The following CDKAL1 variants were observed in gnomAD, a reference collection of about 807,000 sequenced individuals.
CDKAL1 encodes the protein threonylcarbamoyladenosine tRNA methylthiotransferase.
Under a neutral mutation model 68.2 loss-of-function variants are expected in CDKAL1, and 32 were observed. The observed-to-expected ratio is 0.47, with a 90% CI of 0.35 to 0.63. CDKAL1 has a LOEUF of 0.63. Ranked by LOEUF, CDKAL1 falls within the 30% of genes least tolerant of loss-of-function variation. The pLI is 0.00. For missense variants in CDKAL1, 606 were observed against 696.7 expected (o/e 0.87, Z 1.47); for synonymous variants, 234 against 244.3 (o/e 0.96, Z 0.39).
At chr6:20,544,379 C>T (rs1022016987) in intron 2 of CDKAL1, among the ~76,000 whole-genome samples, 21 of 151,302 alleles carry the variant, frequency 1.4e-4, no homozygotes, top group African/African-American at 1.9e-4. Context: ...GGGCGGATCG[C>T]GAGGTCAGGA....
chr6:20,992,904 A>C (rs1428490876), intron 10 of CDKAL1, among the ~76,000 whole-genome samples: 5 of 52,936 alleles, frequency 9.4e-5, no homozygotes, highest in Non-Finnish European at 1.6e-4. Flanking sequence ...TCTGTCTCAA[A>C]GAAAAAAAAA....
At chr6:21,003,696 A>G (rs1767577131) in intron 11 of CDKAL1, among the ~76,000 whole-genome samples, 1 of 152,190 alleles carries the variant, frequency 6.6e-6, no homozygotes, top group Admixed American at 6.5e-5. Flanking sequence ...TGGAAACACC[A>G]AAGTTTCAGG....
chr6:20,630,679 C>G (rs142081445), intron 4 of CDKAL1, among the ~76,000 whole-genome samples: 1 of 152,068 alleles, frequency 6.6e-6, no homozygotes, highest in African/African-American at 2.4e-5. Context: ...TGAAGACATC[C>G]CATATCACAG....
intron 11 of CDKAL1, among the ~76,000 whole-genome samples, chr6:21,062,221 T>A (rs1291565417): frequency 6.6e-6 from 1 of 152,240 alleles, no homozygotes; most frequent in Non-Finnish European, 1.5e-5. Flanking sequence ...CCTTTGTTTT[T>A]ACAGTATTTC....
chr6:20,937,443 C>T (rs1310533021), intron 9 of CDKAL1, among the ~76,000 whole-genome samples: 2 of 152,156 alleles, frequency 1.3e-5, no homozygotes, highest in Admixed American at 6.5e-5. Context: ...AGAAACTTAA[C>T]GTTGGTAAAA....
intron 13 of CDKAL1, among the ~76,000 whole-genome samples, chr6:21,124,413 T>A (rs1388472786): frequency 6.6e-6 from 1 of 152,120 alleles, no homozygotes; most frequent in Non-Finnish European, 1.5e-5. Context: ...CAGACATACA[T>A]GCAACAGACT....
chr6:20,706,115 A>G (rs967084612), intron 5 of CDKAL1, among the ~76,000 whole-genome samples: 11 of 152,274 alleles, frequency 7.2e-5, no homozygotes, highest in African/African-American at 2.6e-4. Flanking sequence ...GAGGTGGGGA[A>G]GGCCAGGCAC....
At chr6:20,635,367 C>G (rs1437963495) in intron 4 of CDKAL1, among the ~76,000 whole-genome samples, 1 of 152,152 alleles carries the variant, frequency 6.6e-6, no homozygotes, top group African/African-American at 2.4e-5. Flanking sequence ...AGTCCCTGGT[C>G]CCAAAGGGCA....
chr6:20,913,116 TACACACACACACACAC>T (rs70990080), intron 9 of CDKAL1, among the ~76,000 whole-genome samples: 10 of 136,544 alleles, frequency 7.3e-5, no homozygotes, highest in East Asian at 2.1e-4. Context: ...CACAGTTGTT[TACACACACACACACAC>T]ACACACACAC....
At chr6:21,079,435 G>A (rs1254519134) in intron 12 of CDKAL1, among the ~76,000 whole-genome samples, 1 of 152,186 alleles carries the variant, frequency 6.6e-6, no homozygotes, top group African/African-American at 2.4e-5. Flanking sequence ...CTAGTAAGTG[G>A]ATTTAAAGAA....
chr6:20,818,949 G>A (rs979032533), intron 8 of CDKAL1, among the ~76,000 whole-genome samples: 1 of 151,944 alleles, frequency 6.6e-6, no homozygotes, highest in Non-Finnish European at 1.5e-5. Context: ...ACTGTTATAG[G>A]AGTGTATTTC....
intron 9 of CDKAL1, among the ~76,000 whole-genome samples, chr6:20,937,244 C>T (rs1292841045): frequency 1.3e-5 from 2 of 152,062 alleles, no homozygotes; most frequent in African/African-American, 4.8e-5. Context: ...ACCACCACAC[C>T]CAGCTAATTT....
At chr6:20,624,972 C>G (rs1396948367) in intron 4 of CDKAL1, among the ~76,000 whole-genome samples, 1 of 152,032 alleles carries the variant, frequency 6.6e-6, no homozygotes, top group Non-Finnish European at 1.5e-5. Flanking sequence ...AGGAAATATA[C>G]TCACCTCCTC....
chr6:20,877,132 A>C (rs1045267585), intron 9 of CDKAL1, among the ~76,000 whole-genome samples: 1 of 152,220 alleles, frequency 6.6e-6, no homozygotes, highest in African/African-American at 2.4e-5. Flanking sequence ...AAGCATTTAC[A>C]TTGTGATGGG....
At chr6:21,042,690 T>C (rs1168522135) in intron 11 of CDKAL1, among the ~76,000 whole-genome samples, 1 of 152,224 alleles carries the variant, frequency 6.6e-6, no homozygotes, top group Non-Finnish European at 1.5e-5. Context: ...TATTCTGTCA[T>C]GTCTGTTTCA....
intron 4 of CDKAL1, among the ~76,000 whole-genome samples, chr6:20,600,879 A>G (rs1055415489): frequency 1.3e-5 from 2 of 150,906 alleles, no homozygotes; most frequent in Non-Finnish European, 3.0e-5. Flanking sequence ...TATTTAATGT[A>G]TTAGATTTAT....
chr6:20,926,780 G>A (rs1763205627), intron 9 of CDKAL1, among the ~76,000 whole-genome samples: 1 of 151,898 alleles, frequency 6.6e-6, no homozygotes, highest in Non-Finnish European at 1.5e-5. Flanking sequence ...GTCCATCATA[G>A]TTCTGTGACT....
intron 11 of CDKAL1, among the ~76,000 whole-genome samples, chr6:21,008,109 T>TA (rs928366749): frequency 1.3e-4 from 20 of 152,086 alleles, no homozygotes; most frequent in African/African-American, 4.8e-4. Flanking sequence ...GGAGTTTAGG[T>TA]AGGAAAGATG....
At chr6:20,758,057 C>T (rs1774301309) in intron 6 of CDKAL1, among the ~76,000 whole-genome samples, 1 of 150,736 alleles carries the variant, frequency 6.6e-6, no homozygotes, top group Non-Finnish European at 1.5e-5. Context: ...CTTCCTTAGT[C>T]TCTGGTGTAT....
Sources: gnomAD v4.1 joint callset for allele counts (sites outside exome capture counted in the v4.1 genomes callset) on GRCh38, gnomAD v4.1.1 for gene constraint, MANE v1.5 for transcripts, NCBI Gene and HGNC (gene_info 2026-07-23, HGNC 2026-07-21) for gene names.